The following CD96 variants were observed in gnomAD, a reference collection of about 807,000 sequenced individuals.
The protein encoded by CD96 is CD96 molecule.
In CD96, 70 loss-of-function variants were observed where a neutral mutation model predicts 71.3. The observed-to-expected ratio is 0.98, with a 90% CI of 0.81 to 1.20. The LOEUF (loss-of-function observed/expected upper bound fraction) is 1.20, where lower values mean the gene tolerates loss of function less well. CD96 is among the 50% of genes most tolerant of loss of function. The probability of loss-of-function intolerance (pLI) is 0.00; values close to 1 mark genes in which losing one functional copy is unlikely to be tolerated. For missense variants in CD96, 742 were observed against 677.5 expected (o/e 1.10, Z -1.06); for synonymous variants, 248 against 233.0 (o/e 1.06, Z -0.59).
chr3:111,579,122 C>CAG lies in CD96; in HGVS notation c.641_642dup (p.Leu215AspfsTer28), dbSNP rs1463287122. On this transcript the variant is annotated frameshift_variant, in exon 4 of 14. Transcript: ENST00000352690. LOFTEE classifies it high-confidence loss of function. ...ATAGAGTCAAGCTTGGTACAGACTACAGACTCCACCTCTCTCCAGTCCAAA... is the reference window on the plus strand; with the variant it reads ...ATAGAGTCAAGCTTGGTACAGACTACAGAGACTCCACCTCTCTCCAGTCCAAA... The CAG allele has an allele frequency of 6.3e-7, 1 of 1,593,586 alleles. No individual in the cohort carries two copies. Among genetic ancestry groups the CAG allele is most frequent in the South Asian group, 1.1e-5 (1 of 90,676 alleles).
chr3:111,600,940 A>G lies in CD96; in HGVS notation c.1087+26A>G, dbSNP rs760498708. ...GTGAGTTGTCTATTTAATAAGATCA[A>G]CAAGAGTTTGCTAAGACTGCCATAA... is the stretch of plus-strand genomic sequence containing the variant. On this transcript the variant is annotated intron_variant, in intron 7 of 13. Coordinates refer to ENST00000352690, the MANE Select transcript of CD96 (RefSeq NM_005816.5). 1.5e-5 allele frequency: 22 copies of G among 1,442,514 alleles called. 1 individual carries two copies. Among genetic ancestry groups the G allele is most frequent in the South Asian group, 2.3e-5 (2 of 87,284 alleles). The allele number at this position is 1,442,514 out of a possible 1,614,324, so 89.4% of individuals were successfully genotyped here.
chr3:111,607,943 C>A (rs929725491), intron 8 of CD96, among the ~76,000 whole-genome samples: 1 of 152,132 alleles, frequency 6.6e-6, no homozygotes, highest in East Asian at 1.9e-4. Context: ...AACCTTAAAT[C>A]TCTCTAGTAT....
intron 10 of CD96, among the ~76,000 whole-genome samples, chr3:111,632,449 T>C (rs1178528770): frequency 6.6e-6 from 1 of 152,090 alleles, no homozygotes; most frequent in African/African-American, 2.4e-5. Context: ...GAATGTCTAT[T>C]ACTAAATAGT....
intron 5 of CD96, among the ~76,000 whole-genome samples, 175 bp downstream of exon 5, chr3:111,585,553 A>C (rs1936672679): frequency 6.6e-6 from 1 of 152,086 alleles, no homozygotes; most frequent in Non-Finnish European, 1.5e-5. Context: ...GGGAATTTTT[A>C]CTTTTAGACT....
At chr3:111,568,257 A>G (rs1576328953) in intron 3 of CD96, among the ~76,000 whole-genome samples, 5 of 152,280 alleles carry the variant, frequency 3.3e-5, no homozygotes, top group Admixed American at 3.3e-4. Context: ...AAAAGCCAGA[A>G]ATCTGGATTT....
chr3:111,614,229 T>C (rs1938106407), intron 8 of CD96, among the ~76,000 whole-genome samples: 1 of 152,008 alleles, frequency 6.6e-6, no homozygotes, highest in Non-Finnish European at 1.5e-5. Context: ...ATATGTGAGG[T>C]GGGGGTAGGG....
intron 10 of CD96, among the ~76,000 whole-genome samples, chr3:111,630,280 A>C (rs1190073707): frequency 6.6e-6 from 1 of 152,218 alleles, no homozygotes. Flanking sequence ...ACTAATAAGA[A>C]GAAAAGCGAG....
At chr3:111,605,978 A>G (rs1937612408) in intron 7 of CD96, among the ~76,000 whole-genome samples, 1 of 152,220 alleles carries the variant, frequency 6.6e-6, no homozygotes, top group East Asian at 1.9e-4. Flanking sequence ...CCTAAAGTCA[A>G]TAGAGCCTTC....
chr3:111,567,816 T>C (rs932767458), intron 3 of CD96, among the ~76,000 whole-genome samples, 169 bp downstream of exon 3: 11 of 152,348 alleles, frequency 7.2e-5, no homozygotes, highest in Middle Eastern at 3.4e-3. Context: ...AGATTCCTTC[T>C]CACAGGCAAG....
intron 8 of CD96, among the ~76,000 whole-genome samples, chr3:111,616,700 A>G (rs1265715743): frequency 6.6e-6 from 1 of 152,184 alleles, no homozygotes; most frequent in Admixed American, 6.5e-5. Flanking sequence ...TTCTGATGGC[A>G]GCAGCTGCCC....
chr3:111,571,856 T>C (rs1935999860), intron 3 of CD96, among the ~76,000 whole-genome samples: 1 of 152,214 alleles, frequency 6.6e-6, no homozygotes, highest in Admixed American at 6.5e-5. Flanking sequence ...GTAGATTACA[T>C]AGGGTGGTTA....
At chr3:111,562,533 C>A (rs1056655971) in intron 2 of CD96, among the ~76,000 whole-genome samples, 1 of 68,682 alleles carries the variant, frequency 1.5e-5, no homozygotes, top group Non-Finnish European at 3.1e-5. Context: ...GATCTCTCTT[C>A]TCGATTTTTA....
intron 2 of CD96, among the ~76,000 whole-genome samples, chr3:111,557,300 T>G (rs1438851962): frequency 9.0e-6 from 1 of 111,020 alleles, no homozygotes. Context: ...TCCTGAATGG[T>G]AATGCCTAGG....
intron 4 of CD96, among the ~76,000 whole-genome samples, chr3:111,582,649 A>G (rs375978118): frequency 2.0e-5 from 3 of 152,246 alleles, no homozygotes; most frequent in East Asian, 1.9e-4. Context: ...AAAGTTCCAC[A>G]TGGCTGGGGA....
intron 3 of CD96, chr3:111,570,966 G>C: frequency 6.5e-7 from 1 of 1,541,228 alleles, no homozygotes; most frequent in Non-Finnish European, 9.0e-7. Context: ...GTGCTCTGAG[G>C]CCACCAGAGT....
intron 10 of CD96, chr3:111,634,854 C>T (rs1489282498): frequency 2.6e-5 from 4 of 151,066 alleles, no homozygotes; most frequent in Non-Finnish European, 5.9e-5. Context: ...GCGATTGCGC[C>T]ATTGCACTCC....
chr3:111,632,057 C>G (rs745547003), intron 10 of CD96, among the ~76,000 whole-genome samples: 4 of 151,930 alleles, frequency 2.6e-5, no homozygotes. Context: ...GGATATAGGA[C>G]GGGCAAAGAT....
rs568034184 is a variant in CD96, at chr3:111,613,214, A to G, written c.1180+6422A>G. On this transcript the variant is annotated intron_variant, in intron 8 of 13. Coordinates refer to ENST00000352690, the MANE Select transcript of CD96 (RefSeq NM_005816.5). ...GAGATTCCTCAGGGTAAAAGCTATC[A>G]GTTGACCTATTTTTCAGTTTATTTC... Among the ~76,000 whole-genome samples the G allele has an allele frequency of 2.6e-5, 4 of 152,288 alleles. No individual in the cohort carries two copies. In the South Asian group the frequency reaches 8.3e-4, roughly 32 times the overall value.
intron 2 of CD96, among the ~76,000 whole-genome samples, chr3:111,556,293 C>A (rs962353107): frequency 1.5e-4 from 21 of 143,468 alleles, no homozygotes; most frequent in Non-Finnish European, 2.9e-4. Context: ...CGTGCTGGTG[C>A]GCCGCACCCA....
Sources: allele counts gnomAD v4.1 joint callset (sites outside exome capture counted in the v4.1 genomes callset), GRCh38; gene constraint gnomAD v4.1.1; transcripts MANE v1.5; gene names NCBI Gene and HGNC (gene_info 2026-07-23, HGNC 2026-07-21).